The following PLCZ1 variants were observed in gnomAD, a reference collection of about 807,000 sequenced individuals.
PLCZ1 encodes 1-phosphatidylinositol 4,5-bisphosphate phosphodiesterase zeta-1.
In PLCZ1, 64 loss-of-function variants were observed where a neutral mutation model predicts 76.8. That is an observed-to-expected ratio of 0.83 (90% CI 0.68 to 1.03). The LOEUF is 1.03. Ranked by LOEUF, PLCZ1 falls within the 50% of genes least tolerant of loss-of-function variation. The pLI, the probability that PLCZ1 is intolerant of heterozygous loss-of-function variation, is 0.00. For missense variants in PLCZ1, 751 were observed against 713.7 expected, an observed-to-expected ratio of 1.05 and a Z score of -0.60; for synonymous variants, 248 against 230.8, an observed-to-expected ratio of 1.07 and a Z score of -0.68.
chr12:18,731,031 G>A (rs944740265), intron 3 of PLCZ1: 5 of 152,038 alleles, frequency 3.3e-5, no homozygotes, highest in Non-Finnish European at 5.9e-5. Flanking sequence ...CAGAGACACA[G>A]TTCTGCAACT....
downstream of PLCZ1, among the ~76,000 whole-genome samples, chr12:18,682,202 C>T (rs188457435): frequency 3.0e-4 from 45 of 152,112 alleles, no homozygotes; most frequent in Non-Finnish European, 6.2e-4. Flanking sequence ...CTCAGTGATA[C>T]GTTTATTTTA....
chr12:18,706,528 G>A (rs1014117130), intron 6 of PLCZ1, among the ~76,000 whole-genome samples: 1 of 152,170 alleles, frequency 6.6e-6, no homozygotes, highest in African/African-American at 2.4e-5. Context: ...TAGCAAAGGA[G>A]TTTTATTAAG....
At chr12:18,713,840 T>C (rs1957628405) in intron 5 of PLCZ1, 1 of 152,194 alleles carries the variant, frequency 6.6e-6, no homozygotes, top group Admixed American at 6.5e-5. Flanking sequence ...AAAATAAATA[T>C]TGGTTTCTTG....
intron 6 of PLCZ1, among the ~76,000 whole-genome samples, chr12:18,707,287 C>T (rs950364946): frequency 6.6e-6 from 1 of 152,122 alleles, no homozygotes; most frequent in Non-Finnish European, 1.5e-5. Flanking sequence ...TAGAGTGAGT[C>T]CACTGACTCA....
At chr12:18,706,299 C>T (rs947163966) in intron 6 of PLCZ1, among the ~76,000 whole-genome samples, 4 of 150,914 alleles carry the variant, frequency 2.7e-5, no homozygotes, top group Admixed American at 6.6e-5. Context: ...AAGTTATCTA[C>T]GGGTTTATGA....
intron 6 of PLCZ1, among the ~76,000 whole-genome samples, chr12:18,708,377 T>C (rs1273228503): frequency 1.3e-5 from 2 of 152,240 alleles, no homozygotes; most frequent in Non-Finnish European, 2.9e-5. Context: ...TCATATTCCA[T>C]TGCATATATC....
chr12:18,676,071 C>G, the PLCZ1 span, among the ~76,000 whole-genome samples: 192 of 152,134 alleles, frequency 1.3e-3, 1 homozygote, highest in African/African-American at 4.4e-3. Flanking sequence ...GTCAATAGAC[C>G]TGTGTCTTTC....
Position 18,701,504 on chromosome 12 carries a change from C to T in PLCZ1, c.1014G>A (p.Lys338=), listed in dbSNP as rs1955915263. 1 of 1,613,932 alleles carries T rather than the reference C, an allele frequency of 6.2e-7. No individual in the cohort carries two copies. Among genetic ancestry groups the T allele is most frequent in the South Asian group, 1.1e-5 (1 of 91,082 alleles). ...KLPGVMLFKK[K]KTRKLKIALA... ...TTTTCACAAAACACCACCTCACCTT[C>T]TTTTTCTTGAAAAGCATTACTCCAG... Residue 338 remains lysine, a synonymous_variant, in exon 9 of 15, where the codon AAG becomes AAA. Coordinates refer to ENST00000266505, the MANE Select transcript of PLCZ1 (RefSeq NM_033123.4).
the PLCZ1 span, among the ~76,000 whole-genome samples, chr12:18,651,922 C>G: frequency 1.3e-5 from 2 of 152,142 alleles, no homozygotes; most frequent in African/African-American, 4.8e-5. Flanking sequence ...TCTTTCCATT[C>G]CATCATAACT....
At chr12:18,718,968 T>A (rs1220141641) in intron 5 of PLCZ1, among the ~76,000 whole-genome samples, 1 of 152,192 alleles carries the variant, frequency 6.6e-6, no homozygotes, top group East Asian at 1.9e-4. Flanking sequence ...CATACAAGTC[T>A]ATAAAAATCA....
the PLCZ1 span, among the ~76,000 whole-genome samples, chr12:18,650,712 CTATATATATATATATATATATATA>C: frequency 3.0e-3 from 44 of 14,620 alleles, no homozygotes; most frequent in East Asian, 0.027. Context: ...GTGTATATAT[CTATATATATATATATATATATATA>C]TATATATATA....
rs775760120 is a variant in PLCZ1, at chr12:18,719,594, T to C, written c.406A>G (p.Arg136Gly). ...AGACATTCACGTGAATCCATGTATC[T>C]TGTAAAACCTTCTAATGACATTTGG... is the stretch of plus-strand genomic sequence containing the variant. ...AHQMSLEGFT[R>G]YMDSRECLLF... The change falls in exon 5 of 15, where the codon AGA (arginine) becomes GGA (glycine). Residue 136 changes from arginine (R) to glycine (G), a missense_variant. Coordinates refer to ENST00000266505, the MANE Select transcript of PLCZ1 (RefSeq NM_033123.4). The C allele has an allele frequency of 2.5e-6, 4 of 1,605,568 alleles. No homozygotes were observed. The South Asian group carries it at 4.5e-5, about 18-fold the overall frequency.
At chr12:18,654,423 T>C in the PLCZ1 span, among the ~76,000 whole-genome samples, 1 of 152,072 alleles carries the variant, frequency 6.6e-6, no homozygotes, top group African/African-American at 2.4e-5. Context: ...AGCATTATTG[T>C]AAGAACAATC....
In PLCZ1 at chr12:18,704,513, A is replaced by G. The variant is rs534388541; in HGVS notation, c.864+653T>C. On this transcript the variant is annotated intron_variant, in intron 7 of 14. Transcript: ENST00000266505. Reference sequence around the variant, plus strand: ...GCTAATTTTTGTATTTTTAGTAGAGACGGGGTTTCACCATGTTGCTCAAGG... The same window carrying G: ...GCTAATTTTTGTATTTTTAGTAGAGGCGGGGTTTCACCATGTTGCTCAAGG... Among the ~76,000 whole-genome samples, 125 of 152,096 alleles carry G rather than the reference A, an allele frequency of 8.2e-4. 1 individual carries two copies. The highest frequency in any genetic ancestry group is 5.8e-4 in the East Asian group (3 of 5,156).
chr12:18,655,787 T>C, the PLCZ1 span, among the ~76,000 whole-genome samples: 2 of 147,478 alleles, frequency 1.4e-5, no homozygotes, highest in Non-Finnish European at 3.0e-5. Flanking sequence ...CAAATCCCAA[T>C]TGACAACATT....
chr12:18,649,360 A>G, the PLCZ1 span, among the ~76,000 whole-genome samples: 4 of 152,008 alleles, frequency 2.6e-5, no homozygotes, highest in African/African-American at 7.2e-5. Flanking sequence ...CAGTCTCCCA[A>G]TTTGTACATT....
At position 18,688,201 on chromosome 12, in the gene PLCZ1, C is replaced by G. The variant is rs1270037124; in HGVS notation, c.1479G>C (p.Gln493His). 1 of 1,609,574 alleles carries G rather than the reference C, an allele frequency of 6.2e-7. No homozygotes were observed. The part of the protein sequence containing the change: ...TLTIRLISGI[Q>H]LPLTHSSSNK... ...TAGATGATGAATGAGTAAGAGGCAA[C>G]TGGATACCACTGATGAGCTGCACAA... is the stretch of plus-strand genomic sequence containing the variant. Residue 493 changes from glutamine (Q) to histidine (H), a missense_variant, in exon 13 of 15, where the codon CAG becomes CAC. Gln to His is a conservative substitution (Grantham distance 24, BLOSUM62 0). Coordinates refer to ENST00000266505, the MANE Select transcript of PLCZ1 (RefSeq NM_033123.4).
At chr12:18,725,769 C>T (rs1250747254) in intron 3 of PLCZ1, among the ~76,000 whole-genome samples, 2 of 152,024 alleles carry the variant, frequency 1.3e-5, no homozygotes, top group African/African-American at 2.4e-5. Context: ...CTATGTTTCT[C>T]GTTGTTGTTT....
intron 3 of PLCZ1, among the ~76,000 whole-genome samples, chr12:18,724,836 A>G (rs1296633810): frequency 6.6e-6 from 1 of 152,148 alleles, no homozygotes; most frequent in Non-Finnish European, 1.5e-5. Flanking sequence ...AATTTTGGTT[A>G]TAGAAAATTA....
Sources: gnomAD v4.1 joint callset for allele counts (sites outside exome capture counted in the v4.1 genomes callset) on GRCh38, gnomAD v4.1.1 for gene constraint, MANE v1.5 for transcripts, NCBI Gene and HGNC (gene_info 2026-07-23, HGNC 2026-07-21) for gene names.